The following DAB2 variants were observed in gnomAD, a reference collection of about 807,000 sequenced individuals.
DAB2 encodes the protein DAB adaptor protein 2, also known as disabled homolog 2.
A neutral mutation model predicts 71.6 loss-of-function variants in DAB2; 28 were observed. That is an observed-to-expected ratio of 0.39 (90% CI 0.29 to 0.54). DAB2 has a LOEUF of 0.54. Ranked by LOEUF, DAB2 falls within the 20% of genes least tolerant of loss-of-function variation. The probability of loss-of-function intolerance (pLI) is 0.68; values close to 1 mark genes in which losing one functional copy is unlikely to be tolerated. For synonymous variants in DAB2, 345 were observed against 339.7 expected (o/e 1.02, Z -0.17); for missense variants, 867 against 928.8 (o/e 0.93, Z 0.86).
At chr5:39,410,183 C>T (rs1047112991) in intron 1 of DAB2, among the ~76,000 whole-genome samples, 6 of 152,076 alleles carry the variant, frequency 3.9e-5, no homozygotes, top group African/African-American at 1.4e-4. Context: ...AGAAAAGCTA[C>T]CTGGTTATGT....
At chr5:39,388,773 G>A (rs781162470) in intron 8 of DAB2, 26 bp downstream of exon 8, 10 of 1,597,764 alleles carry the variant, frequency 6.3e-6, no homozygotes, top group South Asian at 4.4e-5. Context: ...AGTAAGAACT[G>A]TCAAACGTCA....
At chr5:39,421,763 C>T (rs1207083348) in intron 1 of DAB2, among the ~76,000 whole-genome samples, 1 of 151,992 alleles carries the variant, frequency 6.6e-6, no homozygotes, top group Non-Finnish European at 1.5e-5. Flanking sequence ...GGTGTTAAAT[C>T]TGATTCATCT....
intron 1 of DAB2, among the ~76,000 whole-genome samples, chr5:39,412,989 T>C (rs1389930204): frequency 6.6e-6 from 1 of 152,164 alleles, no homozygotes; most frequent in East Asian, 1.9e-4. Flanking sequence ...TGCTGGGTTA[T>C]ACCAGGGGAA....
intron 5 of DAB2, 125 bp downstream of exon 5, chr5:39,390,319 T>G: frequency 8.2e-7 from 1 of 1,221,936 alleles, no homozygotes; most frequent in Non-Finnish European, 1.1e-6. Flanking sequence ...AAATAGTCAT[T>G]CTCGGAATTA....
intron 1 of DAB2, among the ~76,000 whole-genome samples, chr5:39,402,540 C>G (rs571035269): frequency 3.9e-5 from 6 of 152,264 alleles, no homozygotes; most frequent in African/African-American, 1.4e-4. Flanking sequence ...CCTCACCCTC[C>G]CAAACAGCTG....
chr5:39,399,807 T>G (rs903958719), intron 1 of DAB2, among the ~76,000 whole-genome samples: 1 of 152,234 alleles, frequency 6.6e-6, no homozygotes, highest in South Asian at 2.1e-4. Flanking sequence ...TGTCTAGTGT[T>G]TTGAATCCTT....
intron 11 of DAB2, among the ~76,000 whole-genome samples, chr5:39,379,811 C>A (rs1031079390): frequency 6.6e-6 from 1 of 151,888 alleles, no homozygotes; most frequent in East Asian, 1.9e-4. Context: ...CTGAGGATCC[C>A]TGCTAGTGGA....
intron 1 of DAB2, among the ~76,000 whole-genome samples, chr5:39,409,001 G>C (rs1366087744): frequency 6.6e-6 from 1 of 152,124 alleles, no homozygotes; most frequent in African/African-American, 2.4e-5. Context: ...ACAAGGGAGA[G>C]AGGTGAATCT....
Position 39,383,276 on chromosome 5 carries a change from C to T in DAB2, c.688-5G>A. 1 of 1,589,650 alleles carries T rather than the reference C, an allele frequency of 6.3e-7. No homozygotes were observed. The highest frequency in any genetic ancestry group is 8.6e-7 in the Non-Finnish European group (1 of 1,166,694). On this transcript the variant is annotated splice_polypyrimidine_tract_variant and splice_region_variant and intron_variant, in intron 9 of 14. Transcript: ENST00000320816. ...TAACAGGATATCTTTGCTTTCCTATCACATTTGGAAAGAAAAAAAAAGAAA... is the reference window on the plus strand; with the variant it reads ...TAACAGGATATCTTTGCTTTCCTATTACATTTGGAAAGAAAAAAAAAGAAA...
chr5:39,380,631 T>C (rs1390040452), intron 11 of DAB2, among the ~76,000 whole-genome samples: 1 of 152,198 alleles, frequency 6.6e-6, no homozygotes, highest in East Asian at 1.9e-4. Context: ...CTATAGGCTA[T>C]GGACTAAGAA....
intron 1 of DAB2, among the ~76,000 whole-genome samples, chr5:39,398,684 C>CA (rs1182169997): frequency 1.3e-5 from 2 of 151,840 alleles, no homozygotes; most frequent in South Asian, 2.1e-4. Flanking sequence ...AACCCCTTTA[C>CA]AAAAAAAATG....
chr5:39,375,777 T>C (rs367809239), intron 13 of DAB2, among the ~76,000 whole-genome samples: 1 of 152,214 alleles, frequency 6.6e-6, no homozygotes, highest in East Asian at 1.9e-4. Flanking sequence ...TCCCACCTAC[T>C]CAGGAGGCTG....
intron 7 of DAB2, 93 bp from the exon 8 acceptor site, chr5:39,388,945 T>A (rs1579908301): frequency 7.6e-7 from 1 of 1,319,564 alleles, no homozygotes; most frequent in South Asian, 1.2e-5. Context: ...GCAATGGTTT[T>A]GGTATCATCT....
chr5:39,382,541 A>G, intron 10 of DAB2, 77 bp downstream of exon 10: 1 of 1,426,766 alleles, frequency 7.0e-7, no homozygotes, highest in Non-Finnish European at 9.6e-7. Flanking sequence ...GAGCAGCAGG[A>G]AAGAGAGCTT....
rs1754703562 is a variant in DAB2 at position 39,371,689 on chromosome 5, C to G, written c.*1742G>C. The stretch of plus-strand genomic sequence containing the variant: ...TGGTACCACATGATATTCTGCCACT[C>G]CAGTTTATTGAAATGAGTAAATTTA... On this transcript the variant is annotated 3_prime_UTR_variant, in exon 15 of 15. Transcript: ENST00000320816. 6.6e-6 allele frequency: 1 copy of G among 152,168 alleles called. No homozygotes were observed. Among genetic ancestry groups the G allele is most frequent in the African/African-American group, 2.4e-5 (1 of 41,432 alleles). The allele number at this position is 152,168 out of a possible 1,614,324, so 9.4% of individuals were successfully genotyped here. A position where few individuals can be genotyped will look rare whatever the true frequency, so the allele number is the denominator to read the frequency against.
At chr5:39,394,622 G>A (rs955779852) in intron 1 of DAB2, among the ~76,000 whole-genome samples, 1 of 152,192 alleles carries the variant, frequency 6.6e-6, no homozygotes, top group African/African-American at 2.4e-5. Context: ...TGGAACATGT[G>A]TGCCTATTAG....
At position 39,381,594 on chromosome 5, in the gene DAB2, G is replaced by A; in HGVS notation, c.1364C>T (p.Ala455Val). 6.2e-7 allele frequency: 1 copy of A among 1,614,004 alleles called. No homozygotes were observed. Among genetic ancestry groups the A allele is most frequent in the Non-Finnish European group, 8.5e-7 (1 of 1,179,948 alleles). ...TAKSSANDLL[A>V]SDIFAPPVSE... ...GACGGGAGGAGCAAAGATGTCTGAT[G>A]CAAGCAAGTCATTGGCTGAAGACTG... Residue 455 changes from alanine to valine, a missense_variant, in exon 11 of 15, where the codon GCA (alanine) becomes GTA (valine). Transcript: ENST00000320816.
chr5:39,395,892 G>A (rs1373145554), intron 1 of DAB2, among the ~76,000 whole-genome samples: 3 of 133,394 alleles, frequency 2.2e-5, no homozygotes, highest in Admixed American at 7.7e-5. Context: ...GAGTATTACT[G>A]TATCATATTT....
intron 1 of DAB2, among the ~76,000 whole-genome samples, chr5:39,416,145 C>A (rs542429563): frequency 2.0e-5 from 3 of 151,994 alleles, no homozygotes; most frequent in Non-Finnish European, 4.4e-5. Context: ...AGCTATACCA[C>A]GTTGTATCAT....
Sources: gnomAD v4.1 joint callset for allele counts (sites outside exome capture counted in the v4.1 genomes callset) on GRCh38, gnomAD v4.1.1 for gene constraint, MANE v1.5 for transcripts, NCBI Gene and HGNC (gene_info 2026-07-23, HGNC 2026-07-21) for gene names.